SDK1: variants seen among roughly 807,000 people sequenced by gnomAD.
SDK1 encodes sidekick cell adhesion molecule 1, also known as protein sidekick-1.
SDK1 carries 157 observed loss-of-function variants against 245.5 expected under a neutral mutation model. The ratio of observed to expected loss-of-function variants is 0.64; its 90% confidence interval spans 0.56 to 0.73. SDK1 has a LOEUF of 0.73. Ranked by LOEUF, SDK1 falls within the 30% of genes least tolerant of loss-of-function variation. The probability of loss-of-function intolerance (pLI) is 0.00; values close to 1 mark genes in which losing one functional copy is unlikely to be tolerated. For missense variants in SDK1, 3,583 were observed against 3,002.3 expected, an observed-to-expected ratio of 1.19 and a Z score of -4.52; for synonymous variants, 1,647 against 1,278.5, an observed-to-expected ratio of 1.29 and a Z score of -6.15.
intron 5 of SDK1, among the ~76,000 whole-genome samples, chr7:3,845,689 C>T (rs965677604): frequency 6.7e-6 from 1 of 148,274 alleles, no homozygotes; most frequent in Non-Finnish European, 1.5e-5. Flanking sequence ...CCACGTGCTT[C>T]TCCTTTTTTT....
intron 14 of SDK1, 57 bp from the exon 15 acceptor site, chr7:4,010,909 T>A: frequency 6.3e-7 from 1 of 1,583,850 alleles, no homozygotes; most frequent in African/African-American, 1.3e-5. Context: ...CATTCACCTC[T>A]TATTATTCAG....
intron 1 of SDK1, among the ~76,000 whole-genome samples, chr7:3,607,870 T>C (rs564842294): frequency 6.6e-6 from 1 of 152,370 alleles, no homozygotes; most frequent in African/African-American, 2.4e-5. Context: ...TTGGGTAATT[T>C]AATCCTTGAG....
chr7:4,107,897 T>C (rs1783049790), intron 22 of SDK1, among the ~76,000 whole-genome samples: 1 of 152,242 alleles, frequency 6.6e-6, no homozygotes, highest in Admixed American at 6.5e-5. Flanking sequence ...GACAAACATT[T>C]GGTGACCTTG....
At chr7:3,451,013 C>T (rs977165145) in intron 1 of SDK1, among the ~76,000 whole-genome samples, 1 of 152,108 alleles carries the variant, frequency 6.6e-6, no homozygotes, top group African/African-American at 2.4e-5. Context: ...ATCCTCAAAC[C>T]TGTCTCCTGG....
intron 1 of SDK1, among the ~76,000 whole-genome samples, chr7:3,378,127 A>G (rs1781399248): frequency 6.6e-6 from 1 of 152,054 alleles, no homozygotes; most frequent in South Asian, 2.1e-4. Flanking sequence ...TCTTGCCTGT[A>G]TTTGTTGGCT....
At chr7:3,704,146 G>C (rs1784819914) in intron 4 of SDK1, among the ~76,000 whole-genome samples, 1 of 152,060 alleles carries the variant, frequency 6.6e-6, no homozygotes, top group South Asian at 2.1e-4. Flanking sequence ...ATGGTATTTA[G>C]TTTTCTATTC....
intron 32 of SDK1, among the ~76,000 whole-genome samples, chr7:4,162,679 C>T (rs1781229140): frequency 6.6e-6 from 1 of 152,124 alleles, no homozygotes; most frequent in East Asian, 1.9e-4. Flanking sequence ...GGATTACAGA[C>T]ATGAGCCACT....
Position 3,395,676 on chromosome 7 carries a change from C to T in SDK1, c.298+93792C>T, listed in dbSNP as rs563028046. The stretch of plus-strand genomic sequence containing the variant: ...AAAGCTCATTTAATTTTTGTACTTG[C>T]TGTAGATGTATTGAGATTTTCTATT... On this transcript the variant is annotated intron_variant, in intron 1 of 44. Transcript: ENST00000404826. 4.6e-5 allele frequency among the ~76,000 whole-genome samples: 7 copies of T among 151,962 alleles called. 1 individual carries two copies. Among genetic ancestry groups the T allele is most frequent in the African/African-American group, 1.7e-4 (7 of 41,528 alleles).
intron 5 of SDK1, among the ~76,000 whole-genome samples, chr7:3,889,306 C>T (rs1781403666): frequency 6.6e-6 from 1 of 152,224 alleles, no homozygotes; most frequent in Non-Finnish European, 1.5e-5. Flanking sequence ...TGAGAGGAGG[C>T]CATTCTCCCT....
At chr7:3,995,928 A>G (rs1784666818) in intron 14 of SDK1, among the ~76,000 whole-genome samples, 1 of 152,216 alleles carries the variant, frequency 6.6e-6, no homozygotes, top group South Asian at 2.1e-4. Context: ...TTACGTAGTT[A>G]AATCTATTGA....
rs115165290 is a variant in SDK1, at chr7:3,504,704, A to T, written c.299-114376A>T. Among the ~76,000 whole-genome samples, 1,185 of 152,148 alleles carry T rather than the reference A, an allele frequency of 7.8e-3. 19 individuals carry two copies. The highest frequency in any genetic ancestry group is 0.027 in the African/African-American group (1,128 of 41,492). ...AACTATGAAACTCTCAGAGGAAAAC[A>T]TTGGAGTAAATCTTCATTACCTTGG... On this transcript the variant is annotated intron_variant, in intron 1 of 44. Transcript: ENST00000404826.
chr7:3,319,248 TG>T (rs1484952238), intron 1 of SDK1, among the ~76,000 whole-genome samples: 3 of 152,104 alleles, frequency 2.0e-5, no homozygotes, highest in African/African-American at 7.2e-5. Context: ...AGTTTAGCTG[TG>T]GGAAGCCCCC....
At chr7:4,187,490 T>A (rs73674225) in intron 35 of SDK1, among the ~76,000 whole-genome samples, 32,855 of 152,190 alleles carry the variant, frequency 0.22, 4,857 homozygotes, top group African/African-American at 0.42. Flanking sequence ...AGGGCTCAGG[T>A]TGCATTCCTC....
At chr7:3,798,457 TCCAC>T (rs200301815) in intron 4 of SDK1, among the ~76,000 whole-genome samples, 2 of 152,102 alleles carry the variant, frequency 1.3e-5, no homozygotes, top group East Asian at 3.9e-4. Flanking sequence ...GACCTTGTGA[TCCAC>T]CCACCTTGGC....
intron 5 of SDK1, among the ~76,000 whole-genome samples, chr7:3,888,208 C>T (rs952157744): frequency 1.3e-5 from 2 of 152,208 alleles, no homozygotes; most frequent in Admixed American, 1.3e-4. Flanking sequence ...AACTCATACC[C>T]TTGTAGCTTT....
intron 1 of SDK1, among the ~76,000 whole-genome samples, chr7:3,441,452 C>G (rs1583862616): frequency 6.6e-6 from 1 of 152,210 alleles, no homozygotes; most frequent in African/African-American, 2.4e-5. Context: ...TGTTCCAGCA[C>G]CATTTGTTGA....
intron 1 of SDK1, among the ~76,000 whole-genome samples, chr7:3,388,343 G>T (rs1261339071): frequency 7.0e-6 from 1 of 142,550 alleles, no homozygotes; most frequent in Non-Finnish European, 1.5e-5. Context: ...TGTGATTGAA[G>T]ATTAAAAAAA....
chr7:3,363,902 A>G (rs1316410034), intron 1 of SDK1, among the ~76,000 whole-genome samples: 3 of 152,120 alleles, frequency 2.0e-5, no homozygotes, highest in South Asian at 2.1e-4. Flanking sequence ...GTGTTATACT[A>G]TTTTACGTTG....
At chr7:3,675,928 G>T (rs557735701) in intron 4 of SDK1, among the ~76,000 whole-genome samples, 4 of 152,100 alleles carry the variant, frequency 2.6e-5, no homozygotes, top group Non-Finnish European at 5.9e-5. Context: ...TTCCTTATAT[G>T]TTCTGAATAT....
Sources: allele counts gnomAD v4.1 joint callset (sites outside exome capture counted in the v4.1 genomes callset), GRCh38; gene constraint gnomAD v4.1.1; transcripts MANE v1.5; gene names NCBI Gene and HGNC (gene_info 2026-07-23, HGNC 2026-07-21).